Variants in GYPE observed in about 807,000 individuals in gnomAD.
GYPE encodes glycophorin-E.
In GYPE, 8 loss-of-function variants were observed where a neutral mutation model predicts 11.6. The ratio of observed to expected loss-of-function variants is 0.69; its 90% CI spans 0.41 to 1.25. GYPE has a LOEUF of 1.25. GYPE is among the 50% of genes most tolerant of loss of function. The pLI is 0.01. For synonymous variants in GYPE, 28 were observed against 29.6 expected (o/e 0.94, Z 0.18); for missense variants, 90 against 92.8 (o/e 0.97, Z 0.12).
chr4:143,902,229 G>A (rs1256057550), intron 1 of GYPE, among the ~76,000 whole-genome samples: 2 of 151,322 alleles, frequency 1.3e-5, no homozygotes, highest in Non-Finnish European at 2.9e-5. Flanking sequence ...CAAAGACACA[G>A]GTTTGGCTTT....
intron 1 of GYPE, among the ~76,000 whole-genome samples, chr4:143,903,113 TAAC>T (rs1214434534): frequency 7.9e-5 from 12 of 152,052 alleles, no homozygotes; most frequent in Non-Finnish European, 1.5e-4. Flanking sequence ...ACTCAGAAAA[TAAC>T]TCCCTGCTAC....
Position 143,876,751 on chromosome 4 carries a change from T to TCATCGAATA in GYPE, c.*3_*4insTATTCGATG. The TCATCGAATA allele has an allele frequency of 6.5e-7, 1 of 1,531,802 alleles. No homozygotes were observed. The highest frequency in any genetic ancestry group is 9.0e-7 in the Non-Finnish European group (1 of 1,106,956). 94.9% of individuals were successfully genotyped at this position (1,531,802 alleles called of 1,614,324 possible). Reference sequence around the variant, plus strand: ...ATTAAAAACTGAATTCTCACCTTTATCAGTCATCGAATACAGTAAGAAATT... The same window carrying TCATCGAATA: ...ATTAAAAACTGAATTCTCACCTTTATCATCGAATACAGTCATCGAATACAGTAAGAAATT... On this transcript the variant is annotated 3_prime_UTR_variant, in exon 3 of 4. Transcript: ENST00000358615.
At chr4:143,898,943 C>T (rs1344808911) in intron 1 of GYPE, among the ~76,000 whole-genome samples, 1 of 147,468 alleles carries the variant, frequency 6.8e-6, no homozygotes, top group Non-Finnish European at 1.5e-5. Context: ...AATAGCTGTA[C>T]TATTCATGTT....
chr4:143,879,688 C>A (rs1743948543), intron 2 of GYPE, among the ~76,000 whole-genome samples: 1 of 152,144 alleles, frequency 6.6e-6, no homozygotes, highest in African/African-American at 2.4e-5. Flanking sequence ...GGATATGTGT[C>A]CCGTTTGTGC....
At chr4:143,881,892 C>G (rs1478757738) in intron 1 of GYPE, among the ~76,000 whole-genome samples, 2 of 152,150 alleles carry the variant, frequency 1.3e-5, no homozygotes, top group African/African-American at 4.8e-5. Flanking sequence ...AACTTGGCCC[C>G]TCAGCTGAAT....
chr4:143,904,133 T>C (rs933978932), intron 1 of GYPE, among the ~76,000 whole-genome samples: 29 of 152,178 alleles, frequency 1.9e-4, no homozygotes, highest in African/African-American at 6.7e-4. Flanking sequence ...TTTCTTTCTG[T>C]AATTTTCTTT....
At chr4:143,902,580 CCT>C (rs147048595) in intron 1 of GYPE, among the ~76,000 whole-genome samples, 2,114 of 151,896 alleles carry the variant, frequency 0.014, 56 homozygotes, top group African/African-American at 0.049. Context: ...CTCTCTCCAT[CCT>C]CTCTTCTTTC....
In GYPE at chr4:143,876,944, A is replaced by G. The variant is rs1320277046; in HGVS notation, c.137-89T>C. ...AAAAATAAGATAACATCAGCATAAC[A>G]TCACCTTGCCTTTTAATAGAAAGTA... On this transcript the variant is annotated intron_variant, in intron 2 of 3. Transcript: ENST00000358615. 6.7e-6 allele frequency: 5 copies of G among 745,428 alleles called. No homozygotes were observed. In the African/African-American group the frequency reaches 7.0e-5, roughly 10 times the overall value. 46.2% of individuals were successfully genotyped at this position (745,428 alleles called of 1,614,324 possible). A position where few individuals can be genotyped will look rare whatever the true frequency, so the allele number is the denominator to read the frequency against.
At chr4:143,901,226 G>T (rs902543721) in intron 1 of GYPE, among the ~76,000 whole-genome samples, 2 of 152,028 alleles carry the variant, frequency 1.3e-5, no homozygotes, top group Non-Finnish European at 2.9e-5. Context: ...ATAATAATTT[G>T]GGTTAGACAG....
chr4:143,899,330 C>T (rs1300138979), intron 1 of GYPE, among the ~76,000 whole-genome samples: 4 of 152,150 alleles, frequency 2.6e-5, no homozygotes, highest in Non-Finnish European at 5.9e-5. Flanking sequence ...ATTCCTCTAG[C>T]AACTACCTGA....
chr4:143,897,073 G>T (rs2149915016), intron 1 of GYPE, among the ~76,000 whole-genome samples: 2 of 152,048 alleles, frequency 1.3e-5, no homozygotes, highest in South Asian at 2.1e-4. Context: ...CGAGTTAATG[G>T]GTGCAGCACA....
intron 1 of GYPE, among the ~76,000 whole-genome samples, chr4:143,894,257 T>A (rs542424615): frequency 1.6e-4 from 24 of 152,082 alleles, no homozygotes; most frequent in African/African-American, 5.3e-4. Flanking sequence ...TGGTTTGAAT[T>A]TCCTCCTGTA....
chr4:143,896,076 C>T lies in GYPE; in HGVS notation c.37+9395G>A, dbSNP rs1258889742. On this transcript the variant is annotated intron_variant, in intron 1 of 3. Coordinates refer to ENST00000358615, the MANE Select transcript of GYPE (RefSeq NM_198682.3). ...ACCCTAGAAGAAAACCTAGGCATTA[C>T]CATTCAGGACATAGGAATGGGCAAG... is the stretch of plus-strand genomic sequence containing the variant. Among the ~76,000 whole-genome samples, 5 of 152,124 alleles carry T rather than the reference C, an allele frequency of 3.3e-5. No individual in the cohort carries two copies. The South Asian group carries it at 1.0e-3, about 32-fold the overall frequency.
At position 143,897,669 on chromosome 4, in the gene GYPE, G is replaced by C. The variant is rs186023658; in HGVS notation, c.37+7802C>G. ...CCTGATGAACCTGGTTATACCCTAT[G>C]TGAATACCTGGCTGCCAGATCAATA... On this transcript the variant is annotated intron_variant, in intron 1 of 3. Coordinates refer to ENST00000358615, the MANE Select transcript of GYPE (RefSeq NM_198682.3). Among the ~76,000 whole-genome samples the C allele has an allele frequency of 3.1e-3, 469 of 151,966 alleles. 3 individuals are homozygous for C. The highest frequency in any genetic ancestry group is 9.7e-3 in the African/African-American group (401 of 41,322).
In GYPE at chr4:143,880,606, G is replaced by A. The variant is rs1743988527; in HGVS notation, c.38-97C>T. 3 of 1,584,226 alleles carry A rather than the reference G, an allele frequency of 1.9e-6. No individual in the cohort carries two copies. In the East Asian group the frequency reaches 6.8e-5, roughly 36 times the overall value. The stretch of plus-strand genomic sequence containing the variant: ...AGACAAATTCCCTCACATCCCTCCA[G>A]TCCCTGAGCTAAGCGCTTTGGTATA... On this transcript the variant is annotated intron_variant, in intron 1 of 3. Coordinates refer to ENST00000358615, the MANE Select transcript of GYPE (RefSeq NM_198682.3).
intron 1 of GYPE, among the ~76,000 whole-genome samples, chr4:143,893,783 C>T (rs1467393447): frequency 2.9e-4 from 44 of 152,088 alleles, no homozygotes; most frequent in Non-Finnish European, 8.8e-5. Context: ...CTGACAATTA[C>T]GTGTCTTGGA....
At chr4:143,904,712 C>G (rs1171354266) in intron 1 of GYPE, among the ~76,000 whole-genome samples, 1 of 152,074 alleles carries the variant, frequency 6.6e-6, no homozygotes, top group Non-Finnish European at 1.5e-5. Context: ...CTGCCTGCCC[C>G]CTGTGTGCTG....
At position 143,871,386 on chromosome 4, in the gene GYPE, G is replaced by A. The variant is rs1256816289; in HGVS notation, c.*876C>T. 6.6e-6 allele frequency: 1 copy of A among 152,118 alleles called. No individual in the cohort carries two copies. The highest frequency in any genetic ancestry group is 1.5e-5 in the Non-Finnish European group (1 of 68,052). 9.4% of individuals were successfully genotyped at this position (152,118 alleles called of 1,614,324 possible). On this transcript the variant is annotated 3_prime_UTR_variant, in exon 4 of 4. Transcript: ENST00000358615. The stretch of plus-strand genomic sequence containing the variant: ...CTATTCTTCCATAAGTAGCCACTAG[G>A]ACCACGGCTGAAACCAAGAGGCACT...
At chr4:143,876,568 C>A (rs1307761940) in intron 3 of GYPE, among the ~76,000 whole-genome samples, 178 bp downstream of exon 3, 7 of 151,898 alleles carry the variant, frequency 4.6e-5, no homozygotes, top group African/African-American at 1.7e-4. Flanking sequence ...TTTAATTGGG[C>A]AAATGCAAAA....
Sources: allele counts gnomAD v4.1 joint callset (sites outside exome capture counted in the v4.1 genomes callset), GRCh38; gene constraint gnomAD v4.1.1; transcripts MANE v1.5; gene names NCBI Gene and HGNC (gene_info 2026-07-23, HGNC 2026-07-21).